The following AR variants were observed in gnomAD, a reference collection of about 807,000 sequenced individuals.
The protein encoded by AR is androgen receptor, also known as dihydrotestosterone receptor.
In AR, 8 loss-of-function variants were observed where a neutral mutation model predicts 53.9. That is an observed-to-expected ratio of 0.15 (90% confidence interval 0.09 to 0.27). AR has a LOEUF of 0.27. AR is among the 10% of genes least tolerant of loss of function. The pLI, the probability that AR is intolerant of heterozygous loss-of-function variation, is 1.00. For synonymous variants in AR, 359 were observed against 316.4 expected, an observed-to-expected ratio of 1.13 and a Z score of -1.43; for missense variants, 639 against 742.5, an observed-to-expected ratio of 0.86 and a Z score of 1.62.
intron 1 of AR, among the ~76,000 whole-genome samples, chrX:67,608,902 C>T (rs182385845): frequency 7.0e-4 from 78 of 111,141 alleles, no homozygotes; most frequent in African/African-American, 2.5e-3. Flanking sequence ...TGCTTCTTGG[C>T]ATACCCTTCC....
intron 1 of AR, among the ~76,000 whole-genome samples, chrX:67,642,386 C>T (rs1925826565): frequency 8.9e-6 from 1 of 111,817 alleles, no homozygotes; most frequent in Admixed American, 9.5e-5. Context: ...TTAGGATTGG[C>T]TTTCTGGCCC....
chrX:67,706,934 C>G (rs1186946360), intron 3 of AR, among the ~76,000 whole-genome samples: 2 of 112,034 alleles, frequency 1.8e-5, no homozygotes, highest in Non-Finnish European at 1.9e-5. Context: ...GCAGGTTGTT[C>G]AGTTTCCATG....
intron 1 of AR, among the ~76,000 whole-genome samples, chrX:67,589,090 A>C (rs2147363522): frequency 8.9e-6 from 1 of 112,322 alleles, no homozygotes; most frequent in South Asian, 3.7e-4. Flanking sequence ...CTACAAATTA[A>C]GTGTTTAAGA....
chrX:67,562,026 G>A (rs1305202734), intron 1 of AR, among the ~76,000 whole-genome samples: 1 of 94,165 alleles, frequency 1.1e-5, no homozygotes, highest in African/African-American at 4.1e-5. Flanking sequence ...CTGCAACCTC[G>A]CCTCCCGGGT....
chrX:67,635,845 G>A (rs1297595699), intron 1 of AR, among the ~76,000 whole-genome samples: 2 of 111,224 alleles, frequency 1.8e-5, no homozygotes, highest in African/African-American at 6.5e-5. Flanking sequence ...TGTAACCCTC[G>A]GGAGGTAAGA....
At chrX:67,607,834 A>G (rs771569310) in intron 1 of AR, among the ~76,000 whole-genome samples, 3 of 111,412 alleles carry the variant, frequency 2.7e-5, no homozygotes, top group Admixed American at 9.5e-5. Flanking sequence ...GGGACCAAAA[A>G]ATTCTCTGTA....
intron 1 of AR, among the ~76,000 whole-genome samples, chrX:67,610,056 C>T (rs1020131920): frequency 5.4e-5 from 6 of 111,465 alleles, no homozygotes; most frequent in Non-Finnish European, 9.4e-5. Flanking sequence ...GGCCCTTAAA[C>T]ATTTTTAGGC....
intron 1 of AR, among the ~76,000 whole-genome samples, chrX:67,580,559 C>T (rs1340118037): frequency 1.8e-5 from 2 of 111,732 alleles, no homozygotes; most frequent in Non-Finnish European, 3.8e-5. Flanking sequence ...GTACTTTTTA[C>T]TGAATCTAAA....
chrX:67,676,471 A>C (rs949763136), intron 2 of AR, among the ~76,000 whole-genome samples: 1 of 112,559 alleles, frequency 8.9e-6, no homozygotes, highest in Non-Finnish European at 1.9e-5. Flanking sequence ...AATTTTGCTT[A>C]TAGAGACAAT....
intron 2 of AR, among the ~76,000 whole-genome samples, chrX:67,671,093 T>C: frequency 8.9e-6 from 1 of 112,239 alleles, no homozygotes; most frequent in Non-Finnish European, 1.9e-5. Context: ...AGAAGAATGA[T>C]TTATAATCTT....
chrX:67,624,042 G>A (rs138264219), intron 1 of AR, among the ~76,000 whole-genome samples: 364 of 110,869 alleles, frequency 3.3e-3, no homozygotes, highest in Middle Eastern at 9.3e-3. Flanking sequence ...CACGGCAGCA[G>A]GAGAGAGAGC....
chrX:67,726,481 A>G lies in AR; in HGVS notation c.*2640A>G. 2 of 175,294 alleles carry G rather than the reference A, an allele frequency of 1.1e-5. 1 individual carries two copies. The highest frequency in any genetic ancestry group is 1.6e-4 in the Admixed American group (2 of 12,897). 14.4% of individuals were successfully genotyped at this position (175,294 alleles called of 1,213,427 possible). A position where few individuals can be genotyped will look rare whatever the true frequency, so the allele number is the denominator to read the frequency against. ...AGCTCTCCTTTACATTTCTCTATCA[A>G]ATTTTTCATCTTTATGGGTTTCCCA... is the stretch of plus-strand genomic sequence containing the variant. On this transcript the variant is annotated 3_prime_UTR_variant, in exon 8 of 8. Coordinates refer to ENST00000374690, the MANE Select transcript of AR (RefSeq NM_000044.6).
intron 1 of AR, among the ~76,000 whole-genome samples, chrX:67,630,572 A>T (rs1238250528): frequency 9.0e-6 from 1 of 110,836 alleles, no homozygotes; most frequent in Non-Finnish European, 1.9e-5. Context: ...CAGCACACTG[A>T]TGGGTCTTGA....
chrX:67,660,013 C>T (rs1926800663), intron 2 of AR, among the ~76,000 whole-genome samples: 1 of 111,917 alleles, frequency 8.9e-6, no homozygotes, highest in Non-Finnish European at 1.9e-5. Flanking sequence ...TAAATGTCTT[C>T]TTTGAGACGT....
At chrX:67,669,221 G>A (rs748716221) in intron 2 of AR, among the ~76,000 whole-genome samples, 2 of 110,764 alleles carry the variant, frequency 1.8e-5, no homozygotes, top group East Asian at 5.7e-4. Context: ...GTATCCCATA[G>A]GTTTTAGTAT....
At chrX:67,613,701 T>TA (rs1923983108) in intron 1 of AR, among the ~76,000 whole-genome samples, 1 of 111,546 alleles carries the variant, frequency 9.0e-6, no homozygotes, top group African/African-American at 3.3e-5. Flanking sequence ...GGCTTAAGGA[T>TA]AAAAAGGCTT....
At position 67,654,287 on chromosome X, in the gene AR, T is replaced by C. The variant is rs148534639; in HGVS notation, c.1768+10880T>C. On this transcript the variant is annotated intron_variant, in intron 2 of 7. Coordinates refer to ENST00000374690, the MANE Select transcript of AR (RefSeq NM_000044.6). ...CATAGGCATGCGTATACTTGCAGCGTCCCTGGGTAGGCCGAAAGAGCAAAT... is the reference window on the plus strand; with the variant it reads ...CATAGGCATGCGTATACTTGCAGCGCCCCTGGGTAGGCCGAAAGAGCAAAT... Among the ~76,000 whole-genome samples, 833 of 111,507 alleles carry C rather than the reference T, an allele frequency of 7.5e-3. 6 individuals carry two copies. The highest frequency in any genetic ancestry group is 0.026 in the African/African-American group (798 of 30,674).
chrX:67,714,830 G>A lies in AR; in HGVS notation c.2174-2648G>A, dbSNP rs752593623. Among the ~76,000 whole-genome samples, 13 of 111,750 alleles carry A rather than the reference G, an allele frequency of 1.2e-4. No individual in the cohort carries two copies. In the East Asian group the frequency reaches 3.1e-3, roughly 27 times the overall value. On this transcript the variant is annotated intron_variant, in intron 4 of 7. Coordinates refer to ENST00000374690, the MANE Select transcript of AR (RefSeq NM_000044.6). ...CTTGATAGTCATGTAGGCTACTTCAGAGATTGGGCATTAGAGAACAGAGTC... is the reference window on the plus strand; with the variant it reads ...CTTGATAGTCATGTAGGCTACTTCAAAGATTGGGCATTAGAGAACAGAGTC...
At chrX:67,606,147 A>G (rs1213853086) in intron 1 of AR, among the ~76,000 whole-genome samples, 3 of 110,922 alleles carry the variant, frequency 2.7e-5, no homozygotes, top group African/African-American at 9.9e-5. Context: ...GTTCTCAGAG[A>G]AAGTCAAGCT....
Sources: allele counts gnomAD v4.1 joint callset (sites outside exome capture counted in the v4.1 genomes callset), GRCh38; gene constraint gnomAD v4.1.1; transcripts MANE v1.5; gene names NCBI Gene and HGNC (gene_info 2026-07-23, HGNC 2026-07-21).